NEBL: variants seen among roughly 807,000 people sequenced by gnomAD.
NEBL encodes LIM and SH3 protein 2.
Under a neutral mutation model 140.2 loss-of-function variants are expected in NEBL, and 122 were observed. The ratio of observed to expected loss-of-function variants is 0.87; its 90% CI spans 0.75 to 1.01. NEBL has a LOEUF of 1.01. Among genes scored for constraint, NEBL ranks in the 50% least tolerant of loss-of-function variants. NEBL has a pLI of 0.00. For synonymous variants in NEBL, 436 were observed against 398.9 expected (o/e 1.09, Z -1.11); for missense variants, 1,365 against 1,231.3 (o/e 1.11, Z -1.62).
chr10:21,221,517 T>TC lies in NEBL; in HGVS notation n.348+26403_348+26404insG, dbSNP rs57695801. On this transcript the variant is annotated intron_variant and non_coding_transcript_variant, in intron 3 of 8. Transcript: ENST00000675702. ...TGTCTGATTTCTTTCTTTCTTTCTT[T>TC]TTTTTTTGACAGAGGCTTGCTTTGT... is the stretch of plus-strand genomic sequence containing the variant. Among the ~76,000 whole-genome samples the TC allele has an allele frequency of 1.3e-3, 184 of 142,344 alleles. 1 individual carries two copies. The highest frequency in any genetic ancestry group is 4.4e-3 in the African/African-American group (173 of 39,360). 93.4% of individuals were successfully genotyped at this position (142,344 alleles called of 152,430 possible). A position where few individuals can be genotyped will look rare whatever the true frequency, so the allele number is the denominator to read the frequency against.
chr10:20,865,139 G>A (rs1047453496), intron 7 of NEBL, among the ~76,000 whole-genome samples: 1 of 152,120 alleles, frequency 6.6e-6, no homozygotes, highest in African/African-American at 2.4e-5. Context: ...GGATTGTGAT[G>A]GAATGAATTT....
intron 7 of NEBL, among the ~76,000 whole-genome samples, chr10:20,865,867 C>T (rs1373367893): frequency 1.3e-5 from 2 of 152,094 alleles, no homozygotes; most frequent in African/African-American, 4.8e-5. Flanking sequence ...CAGTTGTGTC[C>T]ACTTCATTTT....
chr10:21,162,829 C>T (rs1169765044), intron 2 of NEBL, among the ~76,000 whole-genome samples: 1 of 152,186 alleles, frequency 6.6e-6, no homozygotes, highest in Non-Finnish European at 1.5e-5. Flanking sequence ...TAGGCATAGC[C>T]TTACAGATGT....
At chr10:21,187,442 T>A (rs766861231) in intron 3 of NEBL, among the ~76,000 whole-genome samples, 5 of 152,028 alleles carry the variant, frequency 3.3e-5, no homozygotes, top group Non-Finnish European at 7.4e-5. Context: ...TCTGGTAAAA[T>A]AATTTCTTTT....
chr10:21,036,155 TC>T (rs1834008772), intron 2 of NEBL, among the ~76,000 whole-genome samples: 2 of 150,082 alleles, frequency 1.3e-5, no homozygotes, highest in Admixed American at 1.3e-4. Flanking sequence ...ACAGCTGGAG[TC>T]TCAAAAGAAA....
intron 2 of NEBL, among the ~76,000 whole-genome samples, chr10:20,896,193 C>A (rs946322863): frequency 1.2e-4 from 19 of 152,192 alleles, no homozygotes; most frequent in African/African-American, 4.6e-4. Flanking sequence ...TTCTCTGGAC[C>A]AGCAATCCTC....
chr10:20,915,490 G>T (rs527434639), intron 4 of NEBL, among the ~76,000 whole-genome samples: 1 of 150,290 alleles, frequency 6.7e-6, no homozygotes, highest in African/African-American at 2.4e-5. Context: ...CCACCTATGA[G>T]TGAGAATACA....
intron 4 of NEBL, among the ~76,000 whole-genome samples, chr10:20,939,898 A>T (rs1006932197): frequency 1.6e-4 from 24 of 152,308 alleles, no homozygotes; most frequent in Admixed American, 3.3e-4. Flanking sequence ...TCCTACATAT[A>T]TATGCACCCA....
chr10:20,872,096 C>A (rs959778817), intron 5 of NEBL, among the ~76,000 whole-genome samples: 1 of 151,986 alleles, frequency 6.6e-6, no homozygotes, highest in Admixed American at 6.6e-5. Flanking sequence ...TTGAAAAGAA[C>A]CACAACCTTT....
At chr10:20,952,904 C>CAAAAAAAAAAAAAAAAAAAAAGAAAA (rs1835559413) in intron 4 of NEBL, among the ~76,000 whole-genome samples, 1 of 62,356 alleles carries the variant, frequency 1.6e-5, no homozygotes, top group Non-Finnish European at 2.8e-5. Context: ...GACCCTGTCT[C>CAAAAAAAAAAAAAAAAAAAAAGAAAA]AAAAAAAAAA....
rs548524654 is a variant in NEBL at position 21,173,952 on chromosome 10, G to T, written c.-119C>A. On this transcript the variant is annotated 5_prime_UTR_variant, in exon 1 of 7. Coordinates refer to the NEBL transcript ENST00000417816. This position sits in a 1 kb window ranked among gnomAD's most constrained non-coding sequence, Gnocchi z 5.7. ...GGCGGGAGGGCTGCGGGCGGCGGGCGCCGGGTAGGGAGTCGGCGCCGGGCC... is the reference window on the plus strand; with the variant it reads ...GGCGGGAGGGCTGCGGGCGGCGGGCTCCGGGTAGGGAGTCGGCGCCGGGCC... 17 of 1,378,340 alleles carry T rather than the reference G, an allele frequency of 1.2e-5. No homozygotes were observed. In the African/African-American group the frequency reaches 2.3e-4, roughly 19 times the overall value. The allele number at this position is 1,378,340 out of a possible 1,614,324, so 85.4% of individuals were successfully genotyped here.
At chr10:21,131,135 C>T in intron 2 of NEBL, among the ~76,000 whole-genome samples, 1 of 152,110 alleles carries the variant, frequency 6.6e-6, no homozygotes, top group Non-Finnish European at 1.5e-5. Context: ...CATTTATTAA[C>T]CAAGATGAAA....
chr10:21,101,248 A>T (rs988516840), intron 2 of NEBL, among the ~76,000 whole-genome samples: 1 of 152,202 alleles, frequency 6.6e-6, no homozygotes, highest in Non-Finnish European at 1.5e-5. Context: ...AGCTTCTGTG[A>T]TACTCAAATC....
intron 4 of NEBL, among the ~76,000 whole-genome samples, chr10:20,947,331 G>T (rs1835218001): frequency 6.6e-6 from 1 of 152,084 alleles, no homozygotes; most frequent in African/African-American, 2.4e-5. Flanking sequence ...AAGGTACTTT[G>T]TCTGACATCC....
intron 4 of NEBL, among the ~76,000 whole-genome samples, chr10:20,938,805 A>G (rs983741727): frequency 6.6e-6 from 1 of 152,242 alleles, no homozygotes; most frequent in Non-Finnish European, 1.5e-5. Context: ...GAGCCTCAGT[A>G]GCCGATGCGA....
chr10:21,204,864 C>T (rs542608235), intron 3 of NEBL, among the ~76,000 whole-genome samples: 1 of 152,294 alleles, frequency 6.6e-6, no homozygotes, highest in African/African-American at 2.4e-5. Flanking sequence ...TGCTGCACTC[C>T]CCGTCATGAA....
intron 2 of NEBL, among the ~76,000 whole-genome samples, chr10:21,080,549 C>T (rs562660537): frequency 6.6e-6 from 1 of 152,194 alleles, no homozygotes; most frequent in Admixed American, 6.5e-5. Context: ...TAGGGTCTCA[C>T]AGACTAGAGG....
intron 3 of NEBL, among the ~76,000 whole-genome samples, chr10:20,979,638 G>T (rs1836952008): frequency 6.6e-6 from 1 of 152,124 alleles, no homozygotes; most frequent in East Asian, 1.9e-4. Context: ...CTGAATAAAG[G>T]TAAATAGTGA....
rs531860561 is a variant in NEBL at position 20,829,220 on chromosome 10, A to G, written c.1672-586T>C. ...TTATTCTGGCAAACTACTTAAGAAAATGTGGCACATATACACCATGGAATA... is the reference window on the plus strand; with the variant it reads ...TTATTCTGGCAAACTACTTAAGAAAGTGTGGCACATATACACCATGGAATA... On this transcript the variant is annotated intron_variant, in intron 16 of 27. Transcript: ENST00000377122. 1.2e-3 allele frequency among the ~76,000 whole-genome samples: 181 copies of G among 152,284 alleles called. 2 individuals carry two copies. The highest frequency in any genetic ancestry group is 4.1e-3 in the African/African-American group (170 of 41,548).
Sources: gnomAD v4.1 joint callset for allele counts (sites outside exome capture counted in the v4.1 genomes callset) on GRCh38, gnomAD v4.1.1 for gene constraint, Gnocchi (gnomAD v3.1) non-coding constraint, MANE v1.5 for transcripts, NCBI Gene and HGNC (gene_info 2026-07-23, HGNC 2026-07-21) for gene names.